ESRRG: variants seen among roughly 807,000 people sequenced by gnomAD.
The protein encoded by ESRRG is estrogen-related receptor gamma.
A neutral mutation model predicts 44.0 loss-of-function variants in ESRRG; 13 were observed. The observed-to-expected ratio is 0.30, with a 90% CI of 0.19 to 0.47. The LOEUF is 0.47. ESRRG is among the 20% of genes least tolerant of loss of function. The pLI is 1.00. For synonymous variants in ESRRG, 215 were observed against 214.6 expected (o/e 1.00, Z -0.02); for missense variants, 395 against 580.6 (o/e 0.68, Z 3.29).
chr1:216,816,495 CT>C (rs1559746043), intron 2 of ESRRG, among the ~76,000 whole-genome samples: 1 of 152,146 alleles, frequency 6.6e-6, no homozygotes, highest in African/African-American at 2.4e-5. Flanking sequence ...AACATAATGC[CT>C]TTTGTGGCTA....
At chr1:216,870,770 T>A (rs979770055) in intron 2 of ESRRG, among the ~76,000 whole-genome samples, 5 of 152,050 alleles carry the variant, frequency 3.3e-5, no homozygotes, top group Non-Finnish European at 7.4e-5. Flanking sequence ...CCAAATTCCT[T>A]TACATCGATT....
intron 1 of ESRRG, among the ~76,000 whole-genome samples, chr1:217,107,581 T>C (rs2092612868): frequency 6.6e-6 from 1 of 152,240 alleles, no homozygotes; most frequent in Non-Finnish European, 1.5e-5. Context: ...TTTAAATGCA[T>C]ATATGAACAT....
intron 2 of ESRRG, among the ~76,000 whole-genome samples, chr1:216,871,603 C>T (rs1272543857): frequency 6.6e-6 from 1 of 151,804 alleles, no homozygotes; most frequent in African/African-American, 2.4e-5. Flanking sequence ...TGTAGATTTG[C>T]CTATTTCTAC....
chr1:216,840,848 T>C (rs936314652), intron 2 of ESRRG, among the ~76,000 whole-genome samples: 3 of 152,118 alleles, frequency 2.0e-5, no homozygotes, highest in African/African-American at 7.2e-5. Context: ...TGGTTTGTGG[T>C]CCCCAAAATA....
At chr1:216,928,764 T>C (rs901809944) in intron 2 of ESRRG, among the ~76,000 whole-genome samples, 12 of 152,208 alleles carry the variant, frequency 7.9e-5, no homozygotes, top group African/African-American at 2.4e-4. Context: ...CAGTGAATAT[T>C]ATTAAGCCTT....
intron 1 of ESRRG, among the ~76,000 whole-genome samples, chr1:217,019,245 A>G (rs1367208700): frequency 6.6e-6 from 1 of 152,246 alleles, no homozygotes; most frequent in Non-Finnish European, 1.5e-5. Flanking sequence ...TTAAGCAGGT[A>G]TCACTAGCAC....
At chr1:216,793,433 G>A (rs910190746) in intron 2 of ESRRG, among the ~76,000 whole-genome samples, 3 of 152,048 alleles carry the variant, frequency 2.0e-5, no homozygotes, top group African/African-American at 4.8e-5. Context: ...AATTTGCTTT[G>A]GGGGAAGCCA....
chr1:216,994,563 A>T (rs2076128127), intron 1 of ESRRG, among the ~76,000 whole-genome samples: 1 of 152,088 alleles, frequency 6.6e-6, no homozygotes, highest in Non-Finnish European at 1.5e-5. Flanking sequence ...GACAACACTC[A>T]ATTCAGTCCT....
chr1:216,889,194 G>C (rs1158996559), intron 2 of ESRRG, among the ~76,000 whole-genome samples: 8 of 152,136 alleles, frequency 5.3e-5, no homozygotes, highest in Non-Finnish European at 7.4e-5. Flanking sequence ...TGGTGGGAGG[G>C]GGTCAAAATG....
chr1:216,964,986 C>A (rs1014218074), intron 1 of ESRRG, among the ~76,000 whole-genome samples: 4 of 152,146 alleles, frequency 2.6e-5, no homozygotes. Flanking sequence ...CAGACATTTG[C>A]ACTAATCACA....
chr1:216,724,960 G>A (rs1423757837), upstream of ESRRG, among the ~76,000 whole-genome samples: 2 of 152,110 alleles, frequency 1.3e-5, no homozygotes, highest in African/African-American at 4.8e-5. Context: ...GATAGAAATA[G>A]TATAATCTTT....
rs1559602141 is a variant in ESRRG, at chr1:216,779,187, A to ATATATTTATATTTATAAATATAAATT, written c.-13-101697_-13-101696insAATTTATATTTATAAATATAAATATA. On this transcript the variant is annotated intron_variant, in intron 2 of 7. Transcript: ENST00000359162. ...TAAATATATATATAATTATATAAAT[A>ATATATTTATATTTATAAATATAAATT]TATATTTATATTTATAAATATAAAT... Among the ~76,000 whole-genome samples the ATATATTTATATTTATAAATATAAATT allele has an allele frequency of 4.9e-5, 4 of 81,334 alleles. 1 individual carries two copies. Among genetic ancestry groups the ATATATTTATATTTATAAATATAAATT allele is most frequent in the African/African-American group, 1.9e-4 (4 of 21,422 alleles). 53.4% of individuals were successfully genotyped at this position (81,334 alleles called of 152,430 possible).
At chr1:216,774,866 A>G (rs905026341) in intron 2 of ESRRG, among the ~76,000 whole-genome samples, 14 of 138,578 alleles carry the variant, frequency 1.0e-4, no homozygotes, top group Non-Finnish European at 2.0e-4. Flanking sequence ...CAGTGGCACG[A>G]GCACAGCTCA....
intron 2 of ESRRG, among the ~76,000 whole-genome samples, chr1:216,676,100 C>A (rs1372537590): frequency 6.6e-6 from 1 of 152,134 alleles, no homozygotes; most frequent in Non-Finnish European, 1.5e-5. Flanking sequence ...TGTGGATCCT[C>A]AAAATATATT....
At chr1:216,745,542 C>T (rs748825556) in intron 2 of ESRRG, among the ~76,000 whole-genome samples, 10 of 148,258 alleles carry the variant, frequency 6.7e-5, no homozygotes, top group Non-Finnish European at 1.5e-4. Flanking sequence ...ATTGCAGACA[C>T]TGTGCTATGC....
intron 1 of ESRRG, among the ~76,000 whole-genome samples, chr1:217,122,976 G>T (rs773308572): frequency 6.6e-6 from 1 of 152,030 alleles, no homozygotes; most frequent in Non-Finnish European, 1.5e-5. Flanking sequence ...ATAGGCGTGA[G>T]CCACCGCGCC....
At chr1:216,988,216 C>T (rs572225803) in intron 1 of ESRRG, among the ~76,000 whole-genome samples, 2 of 152,182 alleles carry the variant, frequency 1.3e-5, no homozygotes, top group Admixed American at 1.3e-4. Flanking sequence ...TACTTATTAT[C>T]ATCAAGTCCA....
chr1:216,730,137 T>C (rs1403524195), intron 2 of ESRRG, among the ~76,000 whole-genome samples: 1 of 152,034 alleles, frequency 6.6e-6, no homozygotes, highest in East Asian at 1.9e-4. Context: ...AAGCCACCAA[T>C]GTTAGTGTCA....
In ESRRG at chr1:216,790,617, G is replaced by A. The variant is rs557097711; in HGVS notation, c.-13-113126C>T. ...CATGGTGTAAGATTAAAAATATATA[G>A]TACATTTTTCAGAGAATAGCAGAAG... On this transcript the variant is annotated intron_variant, in intron 2 of 7. Coordinates refer to the ESRRG transcript ENST00000359162. 3.9e-5 allele frequency among the ~76,000 whole-genome samples: 6 copies of A among 152,226 alleles called. No individual in the cohort carries two copies. The South Asian group carries it at 1.0e-3, about 26-fold the overall frequency.
Sources: allele counts gnomAD v4.1 joint callset (sites outside exome capture counted in the v4.1 genomes callset), GRCh38; gene constraint gnomAD v4.1.1; transcripts MANE v1.5; gene names NCBI Gene and HGNC (gene_info 2026-07-23, HGNC 2026-07-21).